The following NIPBL variants were observed in gnomAD, a reference collection of about 807,000 sequenced individuals.
NIPBL encodes the protein NIPBL cohesin loading factor.
A neutral mutation model predicts 321.8 loss-of-function variants in NIPBL; 19 were observed. The ratio of observed to expected loss-of-function variants is 0.06; its 90% CI spans 0.04 to 0.09. The LOEUF (loss-of-function observed/expected upper bound fraction) is 0.09, where lower values mean the gene tolerates loss of function less well. Among genes scored for constraint, NIPBL ranks in the 10% least tolerant of loss-of-function variants. The pLI is 1.00. For missense variants in NIPBL, 2,210 were observed against 3,327.0 expected, an observed-to-expected ratio of 0.66 and a Z score of 8.26; for synonymous variants, 1,106 against 1,114.1, an observed-to-expected ratio of 0.99 and a Z score of 0.14.
intron 21 of NIPBL, among the ~76,000 whole-genome samples, chr5:37,013,181 ACCTC>A (rs1273298356): frequency 1.4e-5 from 2 of 142,948 alleles, no homozygotes; most frequent in African/African-American, 5.3e-5. Context: ...TGACCCCCCC[ACCTC>A]CCTCCCGGAC....
chr5:37,014,180 A>G (rs1235580087), intron 21 of NIPBL, among the ~76,000 whole-genome samples: 1 of 152,094 alleles, frequency 6.6e-6, no homozygotes, highest in Admixed American at 6.5e-5. Flanking sequence ...TCGGCTCGGC[A>G]TCAGAGGGAG....
chr5:36,993,096 C>T (rs1745738727), intron 10 of NIPBL, among the ~76,000 whole-genome samples: 1 of 152,068 alleles, frequency 6.6e-6, no homozygotes, highest in African/African-American at 2.4e-5. Context: ...TTATAAAGAG[C>T]TTCATGAAAT....
At chr5:37,022,471 A>C in intron 29 of NIPBL, 81 bp downstream of exon 29, 1 of 1,236,218 alleles carries the variant, frequency 8.1e-7, no homozygotes, top group Non-Finnish European at 1.1e-6. Context: ...GTGTTAAGTT[A>C]GAAAAATAAA....
At chr5:36,924,212 T>A (rs1749176833) in intron 1 of NIPBL, among the ~76,000 whole-genome samples, 1 of 152,176 alleles carries the variant, frequency 6.6e-6, no homozygotes, top group African/African-American at 2.4e-5. Context: ...ACAACTGCAG[T>A]AAGCATGGAA....
chr5:37,016,131 A>T lies in NIPBL; in HGVS notation c.4737A>T (p.Pro1579=). The T allele has an allele frequency of 6.2e-7, 1 of 1,613,984 alleles. No homozygotes were observed. Among genetic ancestry groups the T allele is most frequent in the South Asian group, 1.1e-5 (1 of 91,078 alleles). ...LLSTVNKPEW[P]AAELLLSLLG... ...CAACAGTCAATAAGCCTGAATGGCC[A>T]GCTGCTGAACTACTCCTTAGTTTGT... is the stretch of plus-strand genomic sequence containing the variant. The change falls in exon 23 of 47, where the codon CCA becomes CCT. Residue 1579 remains proline (P), a synonymous_variant. Coordinates refer to ENST00000282516, the MANE Select transcript of NIPBL (RefSeq NM_133433.4).
Position 37,013,914 on chromosome 5 carries a change from C to T in NIPBL, c.4561-769C>T, listed in dbSNP as rs573630243. Among the ~76,000 whole-genome samples the T allele has an allele frequency of 1.0e-3, 152 of 152,342 alleles. 1 individual carries two copies. Among genetic ancestry groups the T allele is most frequent in the African/African-American group, 3.5e-3 (144 of 41,582 alleles). On this transcript the variant is annotated intron_variant, in intron 21 of 46. Transcript: ENST00000282516. The stretch of plus-strand genomic sequence containing the variant: ...TCACGCCACTGCACTCCAGCCTGGG[C>T]ACCATTGAGCACTGAGTGAACGAGA...
rs1021016824 is a variant in NIPBL, at chr5:36,950,622, A to G, written c.-79-2996A>G. 2.0e-5 allele frequency among the ~76,000 whole-genome samples: 3 copies of G among 152,054 alleles called. No individual in the cohort carries two copies. The South Asian group carries it at 6.2e-4, about 31-fold the overall frequency. ...ATAATCTACTAATCAGTCACCAATCACAGATTGTAAAGCACTACCTTAAGT... is the reference window on the plus strand; with the variant it reads ...ATAATCTACTAATCAGTCACCAATCGCAGATTGTAAAGCACTACCTTAAGT... On this transcript the variant is annotated intron_variant, in intron 1 of 46. Transcript: ENST00000282516.
Position 36,975,974 on chromosome 5 carries a change from C to T in NIPBL, c.1067C>T (p.Thr356Ile). The change falls in exon 9 of 47, where the codon ACT becomes ATT. Residue 356 changes from threonine to isoleucine, a missense_variant. Coordinates refer to ENST00000282516, the MANE Select transcript of NIPBL (RefSeq NM_133433.4). Reference protein sequence around the residue: ...DIISSPSKDSTKLTLRLSRVR... With the variant: ...DIISSPSKDSIKLTLRLSRVR... ...ATTAGTTCTCCATCCAAGGACTCTA[C>T]TAAACTTACATTAAGACTTTCTCGT... The T allele has an allele frequency of 6.2e-7, 1 of 1,614,042 alleles. No individual in the cohort carries two copies. The highest frequency in any genetic ancestry group is 8.5e-7 in the Non-Finnish European group (1 of 1,179,944).
intron 32 of NIPBL, among the ~76,000 whole-genome samples, chr5:37,028,399 C>G (rs1253202360): frequency 6.9e-6 from 1 of 144,194 alleles, no homozygotes; most frequent in Non-Finnish European, 1.5e-5. Flanking sequence ...TGCAGTGGCG[C>G]CATCTTGGCC....
chr5:36,940,333 A>G (rs948358072), intron 1 of NIPBL, among the ~76,000 whole-genome samples: 2 of 152,194 alleles, frequency 1.3e-5, no homozygotes, highest in Admixed American at 1.3e-4. Context: ...TTGAAGTAGC[A>G]TGAGTCAAAA....
chr5:36,921,947 C>T (rs1401294631), intron 1 of NIPBL, among the ~76,000 whole-genome samples: 1 of 149,896 alleles, frequency 6.7e-6, no homozygotes, highest in African/African-American at 2.5e-5. Flanking sequence ...AGTTCAGTGG[C>T]GTGATCTCAG....
chr5:36,991,103 ATCTC>A (rs1432740617), intron 10 of NIPBL, among the ~76,000 whole-genome samples: 29 of 152,000 alleles, frequency 1.9e-4, no homozygotes, highest in Admixed American at 1.3e-3. Context: ...TTTAATATGG[ATCTC>A]TCTGTCTTGC....
chr5:36,877,294 C>T lies in NIPBL; in HGVS notation c.-80+116C>T, dbSNP rs187032702. Reference sequence around the variant, plus strand: ...TTCCTTAGCGGCCCCAGGTCTCTTCCACAGGCGAGTCTAGAGTTCGCTCCT... The same window carrying T: ...TTCCTTAGCGGCCCCAGGTCTCTTCTACAGGCGAGTCTAGAGTTCGCTCCT... On this transcript the variant is annotated intron_variant, in intron 1 of 46. Transcript: ENST00000282516. 5.0e-3 allele frequency: 792 copies of T among 157,352 alleles called. 12 individuals are homozygous for T. Among genetic ancestry groups the T allele is most frequent in the African/African-American group, 0.018 (767 of 41,800 alleles). 9.7% of individuals were successfully genotyped at this position (157,352 alleles called of 1,614,324 possible). A position where few individuals can be genotyped will look rare whatever the true frequency, so the allele number is the denominator to read the frequency against.
intron 1 of NIPBL, among the ~76,000 whole-genome samples, chr5:36,893,763 G>A (rs1050026911): frequency 2.0e-5 from 3 of 152,102 alleles, no homozygotes; most frequent in Non-Finnish European, 4.4e-5. Flanking sequence ...CAGAGTTAGC[G>A]AATTAGATTT....
chr5:37,065,316 C>A lies in NIPBL; in HGVS notation c.*424C>A. Reference sequence around the variant, plus strand: ...TCCAGGCTGTAAAATGGCAGAATCTCCTGGATATATAATTTATTCTGTTGA... The same window carrying A: ...TCCAGGCTGTAAAATGGCAGAATCTACTGGATATATAATTTATTCTGTTGA... On this transcript the variant is annotated 3_prime_UTR_variant, in exon 47 of 47. Transcript: ENST00000282516. 1 of 198,422 alleles carries A rather than the reference C, an allele frequency of 5.0e-6. No individual in the cohort carries two copies. The highest frequency in any genetic ancestry group is 1.0e-5 in the Non-Finnish European group (1 of 96,540). 12.3% of individuals were successfully genotyped at this position (198,422 alleles called of 1,614,324 possible).
Position 36,989,382 on chromosome 5 carries a change from G to A in NIPBL, c.3121+3081G>A, listed in dbSNP as rs1466426466. On this transcript the variant is annotated intron_variant, in intron 10 of 46. Transcript: ENST00000282516. ...CATGTTTATTCCTTGCCTGGGAGGGGTGGAGGGGGCAGTCAGGCAGTGTAA... is the reference window on the plus strand; with the variant it reads ...CATGTTTATTCCTTGCCTGGGAGGGATGGAGGGGGCAGTCAGGCAGTGTAA... Among the ~76,000 whole-genome samples, 6 of 152,208 alleles carry A rather than the reference G, an allele frequency of 3.9e-5. No homozygotes were observed. The East Asian group carries it at 1.2e-3, about 29-fold the overall frequency.
intron 6 of NIPBL, among the ~76,000 whole-genome samples, chr5:36,970,621 A>G (rs1742750854): frequency 6.6e-6 from 1 of 151,956 alleles, no homozygotes; most frequent in African/African-American, 2.4e-5. Flanking sequence ...TCTAGGGAGT[A>G]AAAGGAAAGG....
rs1014474495 is a variant in NIPBL at position 37,066,377 on chromosome 5, C to T, written c.*1485C>T. On this transcript the variant is annotated 3_prime_UTR_variant, in exon 47 of 47. Transcript: ENST00000282516. ...GGAAGAATGACATTGCCACAAAATA[C>T]CTTTTTGTGACACCTATTAAACCAC... is the stretch of plus-strand genomic sequence containing the variant. 2 of 152,110 alleles carry T rather than the reference C, an allele frequency of 1.3e-5. No homozygotes were observed. The highest frequency in any genetic ancestry group is 1.3e-4 in the Admixed American group (2 of 15,266). 9.4% of individuals were successfully genotyped at this position (152,110 alleles called of 1,614,324 possible).
intron 1 of NIPBL, among the ~76,000 whole-genome samples, chr5:36,882,515 T>C: frequency 6.6e-6 from 1 of 151,980 alleles, no homozygotes; most frequent in Non-Finnish European, 1.5e-5. Context: ...GTTGATACTT[T>C]ACCCATAAGC....
Sources: allele counts gnomAD v4.1 joint callset (sites outside exome capture counted in the v4.1 genomes callset), GRCh38; gene constraint gnomAD v4.1.1; transcripts MANE v1.5; gene names NCBI Gene and HGNC (gene_info 2026-07-23, HGNC 2026-07-21).